The following MAFK variants were observed in gnomAD, a reference collection of about 807,000 sequenced individuals.
MAFK encodes MAF bZIP transcription factor K, also known as transcription factor MafK.
In MAFK, 1 loss-of-function variant was observed where a neutral mutation model predicts 9.2. The observed-to-expected ratio is 0.11, with a 90% CI of 0.04 to 0.52. The LOEUF is 0.52. Ranked by LOEUF, MAFK falls within the 20% of genes least tolerant of loss-of-function variation. MAFK has a pLI of 0.94. For missense variants in MAFK, 207 were observed against 236.0 expected, an observed-to-expected ratio of 0.88 and a Z score of 0.81; for synonymous variants, 110 against 107.4, an observed-to-expected ratio of 1.02 and a Z score of -0.15.
At chr7:1,535,038 C>T (rs909597267) in intron 1 of MAFK, among the ~76,000 whole-genome samples, 4 of 150,222 alleles carry the variant, frequency 2.7e-5, no homozygotes, top group African/African-American at 7.4e-5. Context: ...CCCGAGTAGC[C>T]GGGACCATAG....
chr7:1,541,081 G>C lies in MAFK; in HGVS notation c.*706G>C, dbSNP rs1784173590. The C allele has an allele frequency of 6.5e-6, 1 of 152,886 alleles. No homozygotes were observed. Among genetic ancestry groups the C allele is most frequent in the Non-Finnish European group, 1.5e-5 (1 of 68,406 alleles). 9.5% of individuals were successfully genotyped at this position (152,886 alleles called of 1,614,324 possible). On this transcript the variant is annotated 3_prime_UTR_variant, in exon 3 of 3. Transcript: ENST00000343242. ...TGCAGCTTGCTGGTGTTCACTGGGGGAGGGCCTGTGGGCACACATGGCAGA... is the reference window on the plus strand; with the variant it reads ...TGCAGCTTGCTGGTGTTCACTGGGGCAGGGCCTGTGGGCACACATGGCAGA...
intron 2 of MAFK, 78 bp downstream of exon 2, chr7:1,539,306 C>G (rs1583202187): frequency 8.0e-7 from 1 of 1,247,200 alleles, no homozygotes; most frequent in East Asian, 2.4e-5. Flanking sequence ...CCTGCTATCC[C>G]AGGGCCGTCC....
In MAFK at chr7:1,541,002, G is replaced by A. The variant is rs1784171046; in HGVS notation, c.*627G>A. 1 of 154,104 alleles carries A rather than the reference G, an allele frequency of 6.5e-6. No individual in the cohort carries two copies. Among genetic ancestry groups the A allele is most frequent in the South Asian group, 2.0e-4 (1 of 4,880 alleles). 9.5% of individuals were successfully genotyped at this position (154,104 alleles called of 1,614,324 possible). A position where few individuals can be genotyped will look rare whatever the true frequency, so the allele number is the denominator to read the frequency against. On this transcript the variant is annotated 3_prime_UTR_variant, in exon 3 of 3. Transcript: ENST00000343242. ...GTGTGGGAGGTCGCCTGCGTGGGGT[G>A]GTGTCTGTGTGTGTGCACGCACGCC... is the stretch of plus-strand genomic sequence containing the variant.
Position 1,542,667 on chromosome 7 carries a change from T to C in MAFK, c.*2292T>C, listed in dbSNP as rs1236010041. On this transcript the variant is annotated 3_prime_UTR_variant, in exon 3 of 3. Coordinates refer to ENST00000343242, the MANE Select transcript of MAFK (RefSeq NM_002360.4). ...GAAATTTCATTGTCATGATTTAATATATGGATTTTTTTATTTAAGAAAAAG... is the reference window on the plus strand; with the variant it reads ...GAAATTTCATTGTCATGATTTAATACATGGATTTTTTTATTTAAGAAAAAG... 1.3e-5 allele frequency: 2 copies of C among 152,396 alleles called. No homozygotes were observed. The highest frequency in any genetic ancestry group is 4.8e-5 in the African/African-American group (2 of 41,462). The allele number at this position is 152,396 out of a possible 1,614,324, so 9.4% of individuals were successfully genotyped here.
At chr7:1,539,283 C>T (rs532527674) in intron 2 of MAFK, 55 bp downstream of exon 2, 34 of 1,431,490 alleles carry the variant, frequency 2.4e-5, no homozygotes, top group East Asian at 1.2e-4. Context: ...GAAAGGCCCC[C>T]GGCCCGACAG....
chr7:1,536,010 C>G (rs1784018896), intron 1 of MAFK, among the ~76,000 whole-genome samples: 2 of 152,236 alleles, frequency 1.3e-5, no homozygotes, highest in Admixed American at 6.5e-5. Context: ...AGTTCTGCGT[C>G]ACGTCGAGGT....
rs1783926358 is a variant in MAFK, at chr7:1,532,447, C to A, written c.-45+1549C>A. Among the ~76,000 whole-genome samples, 1 of 152,226 alleles carries A rather than the reference C, an allele frequency of 6.6e-6. No individual in the cohort carries two copies. Among genetic ancestry groups the A allele is most frequent in the South Asian group, 2.1e-4 (1 of 4,836 alleles). ...GGAGTCTGCTTTTAAAACTAGACCTCTCATTATTCCAAAATAAGACATTTA... is the reference window on the plus strand; with the variant it reads ...GGAGTCTGCTTTTAAAACTAGACCTATCATTATTCCAAAATAAGACATTTA... On this transcript the variant is annotated intron_variant, in intron 1 of 2. Transcript: ENST00000343242. This position sits in a 1 kb window ranked among gnomAD's most constrained non-coding sequence, Gnocchi z 4.5.
intron 1 of MAFK, among the ~76,000 whole-genome samples, chr7:1,531,149 C>G (rs1229456854): frequency 2.0e-5 from 3 of 149,152 alleles, no homozygotes; most frequent in African/African-American, 4.9e-5. Context: ...ACGTGCCGCC[C>G]GGGCCATGCT....
intron 1 of MAFK, chr7:1,537,907 C>A: frequency 6.2e-6 from 1 of 160,346 alleles, no homozygotes. Context: ...ACACCCCCCA[C>A]CGCCGTGTGC....
At chr7:1,539,507 C>T (rs929915034) in intron 2 of MAFK, among the ~76,000 whole-genome samples, 4 of 140,870 alleles carry the variant, frequency 2.8e-5, no homozygotes, top group Non-Finnish European at 4.6e-5. Context: ...TGCATGAGCT[C>T]ATCCCCTGGC....
chr7:1,538,415 AGGTGGAGGTGGT>A, intron 1 of MAFK: 4 of 970,700 alleles, frequency 4.1e-6, no homozygotes, highest in Non-Finnish European at 4.8e-6. Context: ...GGGGCAGCTT[AGGTGGAGGTGGT>A]GATGTCACAG....
chr7:1,533,001 A>G (rs1783938183), intron 1 of MAFK, among the ~76,000 whole-genome samples: 1 of 152,136 alleles, frequency 6.6e-6, no homozygotes, highest in African/African-American at 2.4e-5. Flanking sequence ...TTTGCTTTTT[A>G]TAAGTCACAG....
rs575424827 is a variant in MAFK at position 1,532,959 on chromosome 7, C to G, written c.-45+2061C>G. ...CCGTCCCCACCCTCCCTGCTCTCCG[C>G]GAATGGAAGATGCCTTTCCCCGCTA... On this transcript the variant is annotated intron_variant, in intron 1 of 2. Coordinates refer to ENST00000343242, the MANE Select transcript of MAFK (RefSeq NM_002360.4). The surrounding 1 kb of genome is among the most constrained non-coding windows in gnomAD (Gnocchi z 4.5). 6.6e-6 allele frequency among the ~76,000 whole-genome samples: 1 copy of G among 152,178 alleles called. No homozygotes were observed. Among genetic ancestry groups the G allele is most frequent in the African/African-American group, 2.4e-5 (1 of 41,426 alleles).
intron 1 of MAFK, among the ~76,000 whole-genome samples, chr7:1,535,171 G>T (rs1025265275): frequency 7.2e-6 from 1 of 138,232 alleles, no homozygotes; most frequent in African/African-American, 2.8e-5. Context: ...TTCGGCCTCC[G>T]GAGGCGTTGC....
intron 1 of MAFK, chr7:1,538,266 G>A (rs142931742): frequency 2.1e-5 from 21 of 985,406 alleles, no homozygotes; most frequent in Admixed American, 6.1e-5. Context: ...CGGGGGCGGC[G>A]GCGGGGACGA....
chr7:1,531,274 CG>C (rs1032864264), intron 1 of MAFK, among the ~76,000 whole-genome samples: 3 of 146,118 alleles, frequency 2.1e-5, no homozygotes, highest in Non-Finnish European at 4.5e-5. Context: ...CGGGGCGGGG[CG>C]GGCGCCACGT....
chr7:1,531,351 G>T (rs903083308), intron 1 of MAFK, among the ~76,000 whole-genome samples: 1 of 152,040 alleles, frequency 6.6e-6, no homozygotes, highest in African/African-American at 2.4e-5. Context: ...CGTGGCTTCC[G>T]CGTGCGGCCC....
At chr7:1,536,168 C>G (rs902841993) in intron 1 of MAFK, among the ~76,000 whole-genome samples, 3 of 152,228 alleles carry the variant, frequency 2.0e-5, no homozygotes, top group Admixed American at 2.0e-4. Context: ...TTACTTACGT[C>G]GGCTGCTGGG....
intron 2 of MAFK, 122 bp from the exon 3 acceptor site, chr7:1,539,819 G>A (rs1784131958): frequency 1.0e-5 from 9 of 869,370 alleles, no homozygotes; most frequent in Admixed American, 5.8e-5. Flanking sequence ...TGCGGATGGC[G>A]AAGGCCAGCC....
Sources: allele counts gnomAD v4.1 joint callset (sites outside exome capture counted in the v4.1 genomes callset), GRCh38; gene constraint gnomAD v4.1.1; non-coding constraint Gnocchi (gnomAD v3.1); transcripts MANE v1.5; gene names NCBI Gene and HGNC (gene_info 2026-07-23, HGNC 2026-07-21).